ARHGEF2: variants seen among roughly 807,000 people sequenced by gnomAD.
ARHGEF2 encodes the protein rho guanine nucleotide exchange factor 2.
ARHGEF2 carries 22 observed loss-of-function variants against 121.0 expected under a neutral mutation model. The ratio of observed to expected loss-of-function variants is 0.18; its 90% CI spans 0.13 to 0.26. The LOEUF is 0.26. Among genes scored for constraint, ARHGEF2 ranks in the 10% least tolerant of loss-of-function variants. The pLI is 1.00. For missense variants in ARHGEF2, 907 were observed against 1,336.0 expected (o/e 0.68, Z 5.01); for synonymous variants, 487 against 530.0 (o/e 0.92, Z 1.11).
rs552797477 is a variant in ARHGEF2 at position 155,957,992 on chromosome 1, A to G, written c.1546-110T>C. 2.7e-5 allele frequency: 32 copies of G among 1,165,592 alleles called. No homozygotes were observed. The African/African-American group carries it at 4.2e-4, about 15-fold the overall frequency. 72.2% of individuals were successfully genotyped at this position (1,165,592 alleles called of 1,614,324 possible). On this transcript the variant is annotated intron_variant, in intron 12 of 21. Coordinates refer to ENST00000361247, the MANE Select transcript of ARHGEF2 (RefSeq NM_001162383.2). ...TGAAAGGACTGAAGAGTCATCTTAC[A>G]ATACCAGTTAAGAGCCAGGCACTGG...
intron 13 of ARHGEF2, among the ~76,000 whole-genome samples, chr1:155,956,192 G>A (rs1389138018): frequency 2.0e-5 from 3 of 151,732 alleles, no homozygotes; most frequent in Admixed American, 6.6e-5. Flanking sequence ...CTCCACCCCC[G>A]GGTTCAAGCG....
intron 7 of ARHGEF2, among the ~76,000 whole-genome samples, chr1:155,963,580 G>A (rs528763977): frequency 2.0e-5 from 3 of 151,504 alleles, no homozygotes; most frequent in South Asian, 2.1e-4. Flanking sequence ...TCCTGACCTC[G>A]TGATCTCCCC....
At chr1:155,964,172 A>ATT (rs1678745296) in intron 7 of ARHGEF2, among the ~76,000 whole-genome samples, 1 of 67,008 alleles carries the variant, frequency 1.5e-5, no homozygotes, top group Non-Finnish European at 2.5e-5. Flanking sequence ...AAAAAAATAT[A>ATT]TATATATATA....
At chr1:155,955,615 T>G (rs913379375) in intron 13 of ARHGEF2, among the ~76,000 whole-genome samples, 7 of 152,210 alleles carry the variant, frequency 4.6e-5, no homozygotes, top group African/African-American at 1.7e-4. Flanking sequence ...AGGTAATATC[T>G]TCCTCATAGG....
chr1:155,948,470 A>T (rs1259765910), intron 21 of ARHGEF2, among the ~76,000 whole-genome samples: 2 of 152,024 alleles, frequency 1.3e-5, no homozygotes, highest in Non-Finnish European at 2.9e-5. Flanking sequence ...TCTCTACTAA[A>T]AATGCCAAAA....
intron 13 of ARHGEF2, among the ~76,000 whole-genome samples, chr1:155,955,312 A>G (rs922159580): frequency 5.9e-5 from 9 of 151,968 alleles, no homozygotes; most frequent in Non-Finnish European, 7.4e-5. Context: ...TTTAGTAGAC[A>G]TGGGGTTTCG....
intron 1 of ARHGEF2, among the ~76,000 whole-genome samples, chr1:155,973,470 G>A (rs926846874): frequency 6.6e-6 from 1 of 152,228 alleles, no homozygotes. Flanking sequence ...GCCAGGCCGA[G>A]CGCAGTGGCT....
chr1:155,963,863 G>A (rs1572135874), intron 7 of ARHGEF2, among the ~76,000 whole-genome samples: 3 of 150,840 alleles, frequency 2.0e-5, no homozygotes, highest in East Asian at 2.0e-4. Flanking sequence ...TTTTAAAGAC[G>A]GCTGGGCACG....
intron 13 of ARHGEF2, among the ~76,000 whole-genome samples, chr1:155,955,781 T>C (rs1413797041): frequency 6.6e-6 from 1 of 152,152 alleles, no homozygotes; most frequent in Non-Finnish European, 1.5e-5. Flanking sequence ...AGTGACAGGA[T>C]CTTGGCTCAC....
intron 1 of ARHGEF2, among the ~76,000 whole-genome samples, chr1:155,976,990 G>A (rs1443377242): frequency 6.6e-6 from 1 of 152,122 alleles, no homozygotes; most frequent in Non-Finnish European, 1.5e-5. Flanking sequence ...AACCCAGGAT[G>A]GAACCTCTGT....
chr1:155,974,806 C>T (rs1184352285), intron 1 of ARHGEF2, among the ~76,000 whole-genome samples: 3 of 151,880 alleles, frequency 2.0e-5, no homozygotes, highest in Admixed American at 6.6e-5. Context: ...CTGCCCCCTA[C>T]GCGGCCACAC....
At chr1:155,957,143 G>A (rs1676860828) in intron 13 of ARHGEF2, among the ~76,000 whole-genome samples, 1 of 151,918 alleles carries the variant, frequency 6.6e-6, no homozygotes, top group Non-Finnish European at 1.5e-5. Flanking sequence ...CATCTTACCT[G>A]TGCTTTATTT....
Position 155,964,172 on chromosome 1 carries a change from A to ATATATATG in ARHGEF2, c.724+815_724+816insCATATATA, listed in dbSNP as rs1678748780. Reference sequence around the variant, plus strand: ...AAAAAAAAAAAAAAAAAAAAAATATATATATATATATATATATATATATAT... The same window carrying ATATATATG: ...AAAAAAAAAAAAAAAAAAAAAATATATATATATGTATATATATATATATATATATATAT... On this transcript the variant is annotated intron_variant, in intron 7 of 21. Coordinates refer to ENST00000361247, the MANE Select transcript of ARHGEF2 (RefSeq NM_001162383.2). 6.0e-5 allele frequency among the ~76,000 whole-genome samples: 4 copies of ATATATATG among 66,962 alleles called. No individual in the cohort carries two copies. The East Asian group carries it at 1.7e-3, about 28-fold the overall frequency. The allele number at this position is 66,962 out of a possible 152,430, so 43.9% of individuals were successfully genotyped here.
At chr1:155,970,641 G>T (rs898493210) in intron 1 of ARHGEF2, 1 of 985,544 alleles carries the variant, frequency 1.0e-6, no homozygotes, top group Admixed American at 6.1e-5. Flanking sequence ...TAGGAGACCA[G>T]TACTGACTCA....
intron 13 of ARHGEF2, 133 bp downstream of exon 13, chr1:155,957,580 T>C: frequency 9.4e-7 from 1 of 1,059,274 alleles, no homozygotes; most frequent in Non-Finnish European, 1.3e-6. Context: ...TCTTGGGCCA[T>C]TTTGTCTCTC....
chr1:155,965,116 C>T lies in ARHGEF2; in HGVS notation c.596G>A (p.Ser199Asn), dbSNP rs2102671877. The T allele has an allele frequency of 1.9e-6, 3 of 1,614,130 alleles. No homozygotes were observed. The highest frequency in any genetic ancestry group is 2.5e-6 in the Non-Finnish European group (3 of 1,180,018). ...SLIDEAEVIYSELMSDFEMDE... is the reference protein window; with the variant it reads ...SLIDEAEVIYNELMSDFEMDE... ...CATCTCAAAGTCACTCATCAGCTCA[C>T]TGTAGATTACCTCTGCTGGACATTA... Residue 199 changes from serine to asparagine, a missense_variant, in exon 7 of 22, where the codon AGT (serine) becomes AAT (asparagine). Transcript: ENST00000361247. This position sits in a 1 kb window ranked among gnomAD's most constrained non-coding sequence, Gnocchi z 6.0.
intron 12 of ARHGEF2, 98 bp from the exon 13 acceptor site, chr1:155,957,980 G>GGCCTAAATATGCCAAGGGACAGGATTCCC: frequency 7.8e-7 from 1 of 1,288,632 alleles, no homozygotes; most frequent in Non-Finnish European, 1.1e-6. Flanking sequence ...AAGGACTGAA[G>GGCCTAAATATGCCAAGGGACAGGATTCCC]AGTCATCTTA....
chr1:155,966,659 G>T (rs1340965702), intron 3 of ARHGEF2, among the ~76,000 whole-genome samples, 161 bp downstream of exon 3: 1 of 152,106 alleles, frequency 6.6e-6, no homozygotes, highest in Non-Finnish European at 1.5e-5. Flanking sequence ...AACAGGCCTG[G>T]CCTACTTGGG....
At position 155,952,647 on chromosome 1, in the gene ARHGEF2, C is replaced by T. The variant is rs778621434; in HGVS notation, c.1965G>A (p.Leu655=). ...CCTCACCCTCACGGATGGCATCCTG[C>T]AGCAGCCGCTCGCCACGAGGGGACT... ...SLESPRGERL[L]QDAIREVEGL... is the part of the protein sequence containing the mutation. Residue 655 remains leucine (L), a synonymous_variant, in exon 15 of 22, where the codon CTG becomes CTA. Transcript: ENST00000361247. 6.2e-7 allele frequency: 1 copy of T among 1,612,668 alleles called. No homozygotes were observed. The highest frequency in any genetic ancestry group is 8.5e-7 in the Non-Finnish European group (1 of 1,178,866).
Sources: gnomAD v4.1 joint callset for allele counts (sites outside exome capture counted in the v4.1 genomes callset) on GRCh38, gnomAD v4.1.1 for gene constraint, Gnocchi (gnomAD v3.1) non-coding constraint, MANE v1.5 for transcripts, NCBI Gene and HGNC (gene_info 2026-07-23, HGNC 2026-07-21) for gene names.